Variants in COL25A1 observed in about 807,000 individuals in gnomAD.
COL25A1 encodes the protein collagen alpha-1(XXV) chain.
COL25A1 carries 103 observed loss-of-function variants against 128.4 expected under a neutral mutation model. The observed-to-expected ratio is 0.80, with a 90% CI of 0.68 to 0.94. The LOEUF (loss-of-function observed/expected upper bound fraction) is 0.94. COL25A1 is among the 40% of genes least tolerant of loss of function. The probability of loss-of-function intolerance (pLI) is 0.00; values close to 1 mark genes in which losing one functional copy is unlikely to be tolerated. For synonymous variants in COL25A1, 279 were observed against 277.2 expected (o/e 1.01, Z -0.06); for missense variants, 745 against 840.0 (o/e 0.89, Z 1.40).
rs1348849762 is a variant in COL25A1, at chr4:109,187,629, A to G, written c.367+112954T>C. On this transcript the variant is annotated intron_variant, in intron 3 of 37. Coordinates refer to ENST00000399132, the MANE Select transcript of COL25A1 (RefSeq NM_198721.4). ...CATATTGTAGCTTCAAAATGAAGCT[A>G]ATAGACAGTTTTGAAAAATTATTTT... Among the ~76,000 whole-genome samples the G allele has an allele frequency of 2.6e-5, 4 of 152,344 alleles. No individual in the cohort carries two copies. In the East Asian group the frequency reaches 7.7e-4, roughly 29 times the overall value.
intron 5 of COL25A1, among the ~76,000 whole-genome samples, chr4:109,026,561 G>T (rs1758312879): frequency 6.6e-6 from 1 of 152,222 alleles, no homozygotes; most frequent in Non-Finnish European, 1.5e-5. Flanking sequence ...TTGGGAAAAG[G>T]GTGTGGGATT....
chr4:108,985,562 G>A (rs1015273487), intron 6 of COL25A1, among the ~76,000 whole-genome samples: 14 of 152,262 alleles, frequency 9.2e-5, no homozygotes, highest in South Asian at 2.1e-4. Context: ...TGATCTTGGG[G>A]ACATTTCTTT....
At chr4:109,177,436 T>TAC (rs1272070203) in intron 3 of COL25A1, among the ~76,000 whole-genome samples, 1 of 152,232 alleles carries the variant, frequency 6.6e-6, no homozygotes, top group Non-Finnish European at 1.5e-5. Flanking sequence ...TATCTTGCGT[T>TAC]ACTCCAGGGA....
At chr4:109,020,097 A>AGAG (rs1757587075) in intron 5 of COL25A1, among the ~76,000 whole-genome samples, 2 of 130,664 alleles carry the variant, frequency 1.5e-5, no homozygotes, top group African/African-American at 6.4e-5. Flanking sequence ...ATACTAGAGA[A>AGAG]GCAATTGAAA....
intron 3 of COL25A1, among the ~76,000 whole-genome samples, chr4:109,169,993 CAT>C (rs1286391269): frequency 6.6e-6 from 1 of 151,988 alleles, no homozygotes; most frequent in African/African-American, 2.4e-5. Context: ...AATAAACATT[CAT>C]ATTAATTGTA....
intron 29 of COL25A1, 148 bp downstream of exon 29, chr4:108,845,041 C>T (rs1382126070): frequency 9.4e-6 from 7 of 743,982 alleles, no homozygotes; most frequent in East Asian, 2.5e-5. Flanking sequence ...GCAGGGCTGA[C>T]GGATGTTTCT....
chr4:108,834,644 A>G lies in COL25A1; in HGVS notation c.1657-2211T>C, dbSNP rs1335520711. On this transcript the variant is annotated intron_variant, in intron 31 of 37. Transcript: ENST00000399132. ...TCTTATTTAGAAATCAAGCTAATGA[A>G]GTGTATAAACTGGGCTACAAAGTAG... Among the ~76,000 whole-genome samples the G allele has an allele frequency of 2.6e-5, 4 of 152,154 alleles. No homozygotes were observed. The East Asian group carries it at 5.8e-4, about 22-fold the overall frequency.
chr4:109,040,607 C>T (rs1159591657), intron 5 of COL25A1, among the ~76,000 whole-genome samples: 2 of 152,266 alleles, frequency 1.3e-5, no homozygotes, highest in Middle Eastern at 3.4e-3. Context: ...CCTAATTAGT[C>T]CCATAAGATA....
At chr4:109,180,809 G>C (rs1208645639) in intron 3 of COL25A1, among the ~76,000 whole-genome samples, 2 of 152,030 alleles carry the variant, frequency 1.3e-5, no homozygotes, top group Non-Finnish European at 2.9e-5. Flanking sequence ...GCTTTTGCAA[G>C]TTACTCACAT....
chr4:109,186,853 A>T (rs1269122191), intron 3 of COL25A1, among the ~76,000 whole-genome samples: 2 of 152,338 alleles, frequency 1.3e-5, no homozygotes, highest in East Asian at 3.9e-4. Context: ...CATGCATTCG[A>T]CATCAGCAAA....
At chr4:109,250,289 G>A (rs1780556937) in intron 3 of COL25A1, among the ~76,000 whole-genome samples, 1 of 137,650 alleles carries the variant, frequency 7.3e-6, no homozygotes, top group African/African-American at 3.0e-5. Context: ...AAGGCTTTAA[G>A]GCACAAATAT....
chr4:109,209,909 G>A (rs765026455), intron 3 of COL25A1, among the ~76,000 whole-genome samples: 1 of 151,924 alleles, frequency 6.6e-6, no homozygotes, highest in Non-Finnish European at 1.5e-5. Context: ...AAATTAGCCA[G>A]GCGTAATGGT....
intron 3 of COL25A1, among the ~76,000 whole-genome samples, chr4:109,128,002 C>T (rs1237990850): frequency 6.6e-6 from 1 of 152,114 alleles, no homozygotes; most frequent in African/African-American, 2.4e-5. Flanking sequence ...CTGCAGTCTC[C>T]TGAGCATGGA....
intron 8 of COL25A1, among the ~76,000 whole-genome samples, chr4:108,954,861 G>C (rs1749878137): frequency 1.3e-5 from 2 of 151,624 alleles, no homozygotes; most frequent in Admixed American, 1.3e-4. Flanking sequence ...AACTAATCAA[G>C]ACCAAGGAAA....
chr4:109,118,086 A>G (rs749017920), intron 3 of COL25A1, among the ~76,000 whole-genome samples: 33 of 151,940 alleles, frequency 2.2e-4, no homozygotes, highest in Non-Finnish European at 3.8e-4. Context: ...CACTTTAAAC[A>G]TCAGTGGTCG....
At chr4:108,842,926 C>T (rs1034071531) in intron 30 of COL25A1, among the ~76,000 whole-genome samples, 2 of 152,016 alleles carry the variant, frequency 1.3e-5, no homozygotes, top group African/African-American at 4.8e-5. Flanking sequence ...GGGTGCATCA[C>T]TTGGGCCCAG....
intron 37 of COL25A1, among the ~76,000 whole-genome samples, chr4:108,816,199 G>T (rs1274742668): frequency 6.6e-6 from 1 of 152,134 alleles, no homozygotes; most frequent in African/African-American, 2.4e-5. Flanking sequence ...CTAAATAAAT[G>T]ACGCTACTTA....
At chr4:109,085,767 A>G (rs761902466) in intron 3 of COL25A1, among the ~76,000 whole-genome samples, 22 of 152,206 alleles carry the variant, frequency 1.4e-4, no homozygotes, top group Admixed American at 3.3e-4. Context: ...TGCATACTCC[A>G]AGTGAAGATG....
Position 108,922,344 on chromosome 4 carries a change from T to C in COL25A1, c.709-1740A>G, listed in dbSNP as rs183104858. Among the ~76,000 whole-genome samples, 3 of 152,258 alleles carry C rather than the reference T, an allele frequency of 2.0e-5. No individual in the cohort carries two copies. In the East Asian group the frequency reaches 5.8e-4, roughly 29 times the overall value. ...CTCTAGAGTACTTTAGTTCTTAAAA[T>C]GTTGATGTTAGAAAGGAAATCATAG... is the stretch of plus-strand genomic sequence containing the variant. On this transcript the variant is annotated intron_variant, in intron 11 of 37. Transcript: ENST00000399132.
Sources: gnomAD v4.1 joint callset for allele counts (sites outside exome capture counted in the v4.1 genomes callset) on GRCh38, gnomAD v4.1.1 for gene constraint, MANE v1.5 for transcripts, NCBI Gene and HGNC (gene_info 2026-07-23, HGNC 2026-07-21) for gene names.